Variants in LRP1B observed in about 807,000 individuals in gnomAD.
LRP1B encodes the protein low-density lipoprotein receptor-related protein 1B.
In LRP1B, 217 loss-of-function variants were observed where a neutral mutation model predicts 556.6. That is an observed-to-expected ratio of 0.39 (90% CI 0.35 to 0.44). LRP1B has a LOEUF of 0.44. Among genes scored for constraint, LRP1B ranks in the 20% least tolerant of loss-of-function variants. The pLI is 1.00. For synonymous variants in LRP1B, 2,047 were observed against 1,865.8 expected (o/e 1.10, Z -2.50); for missense variants, 5,053 against 5,620.8 (o/e 0.90, Z 3.23).
intron 3 of LRP1B, among the ~76,000 whole-genome samples, chr2:141,259,197 T>A (rs935320895): frequency 6.6e-6 from 1 of 152,178 alleles, no homozygotes; most frequent in African/African-American, 2.4e-5. Context: ...AAAAATTAAT[T>A]CAGAGTAAAA....
intron 6 of LRP1B, among the ~76,000 whole-genome samples, chr2:141,197,517 C>T (rs554197275): frequency 5.9e-4 from 89 of 152,064 alleles, no homozygotes; most frequent in African/African-American, 2.1e-3. Context: ...TTAGAGTAGA[C>T]TTTCAAAAAA....
chr2:140,665,586 T>C (rs1175137568), intron 41 of LRP1B, among the ~76,000 whole-genome samples: 2 of 152,190 alleles, frequency 1.3e-5, no homozygotes, highest in Non-Finnish European at 2.9e-5. Context: ...TTCAGCACAT[T>C]AGAAATGTGT....
At chr2:140,330,767 T>C (rs1199574984) in intron 79 of LRP1B, among the ~76,000 whole-genome samples, 1 of 151,966 alleles carries the variant, frequency 6.6e-6, no homozygotes, top group African/African-American at 2.4e-5. Context: ...AAATAAACTA[T>C]CAGAGTGAAC....
chr2:140,367,337 T>C (rs1682806556), intron 71 of LRP1B, among the ~76,000 whole-genome samples: 1 of 151,766 alleles, frequency 6.6e-6, no homozygotes, highest in Non-Finnish European at 1.5e-5. Flanking sequence ...ATCTGAATAA[T>C]AGTACAATTG....
chr2:141,275,477 G>A (rs1395551042), intron 3 of LRP1B, among the ~76,000 whole-genome samples: 1 of 152,172 alleles, frequency 6.6e-6, no homozygotes, highest in Non-Finnish European at 1.5e-5. Flanking sequence ...GGGCGGCCAA[G>A]GCGAGTGAAT....
intron 66 of LRP1B, among the ~76,000 whole-genome samples, chr2:140,395,532 G>A (rs1027063945): frequency 2.6e-5 from 4 of 152,182 alleles, no homozygotes; most frequent in Admixed American, 1.3e-4. Flanking sequence ...TTATGTGGAC[G>A]CACCAGCAGT....
At chr2:142,127,712 T>C (rs1194565085) in intron 1 of LRP1B, among the ~76,000 whole-genome samples, 2 of 151,972 alleles carry the variant, frequency 1.3e-5, no homozygotes, top group Non-Finnish European at 2.9e-5. Flanking sequence ...ATACATTTAA[T>C]TGCCATTGTT....
intron 3 of LRP1B, among the ~76,000 whole-genome samples, chr2:141,261,174 A>G (rs1318915901): frequency 1.3e-5 from 2 of 152,146 alleles, no homozygotes; most frequent in East Asian, 3.9e-4. Context: ...AGTAAAATGC[A>G]GTGTGAGCTG....
intron 2 of LRP1B, among the ~76,000 whole-genome samples, chr2:141,688,575 T>C (rs945976217): frequency 1.3e-5 from 2 of 151,810 alleles, no homozygotes; most frequent in African/African-American, 4.8e-5. Flanking sequence ...TGAAAGCAAA[T>C]ACCTCATTTT....
intron 11 of LRP1B, among the ~76,000 whole-genome samples, chr2:141,035,495 CTT>C (rs946117746): frequency 6.6e-6 from 1 of 151,910 alleles, no homozygotes; most frequent in African/African-American, 2.4e-5. Flanking sequence ...AATATAAACT[CTT>C]TGAGAACAAC....
In LRP1B at chr2:141,089,939, T is replaced by C. The variant is rs74705798; in HGVS notation, c.1014-27666A>G. 9.1e-3 allele frequency among the ~76,000 whole-genome samples: 1,393 copies of C among 152,290 alleles called. 22 individuals are homozygous for C. Among genetic ancestry groups the C allele is most frequent in the African/African-American group, 0.032 (1,323 of 41,556 alleles). On this transcript the variant is annotated intron_variant, in intron 7 of 90. Transcript: ENST00000389484. ...ACCTGTAGTGCCTCCAAGAATATGA[T>C]AGTGAAAAGGGTTATATTCTTCTAA...
chr2:140,327,593 A>C (rs1158841287), intron 79 of LRP1B, among the ~76,000 whole-genome samples: 15 of 152,058 alleles, frequency 9.9e-5, no homozygotes. Context: ...AAAACATAAA[A>C]CATGATTCTC....
chr2:141,038,193 A>G (rs1698593238), intron 11 of LRP1B, among the ~76,000 whole-genome samples: 1 of 152,072 alleles, frequency 6.6e-6, no homozygotes. Flanking sequence ...CAGGGCAGAG[A>G]AACAGAGAAT....
At chr2:140,574,308 A>G (rs1334742811) in intron 43 of LRP1B, among the ~76,000 whole-genome samples, 5 of 152,168 alleles carry the variant, frequency 3.3e-5, no homozygotes, top group Non-Finnish European at 7.4e-5. Context: ...CATTATATAT[A>G]GTATGTATCT....
At chr2:141,647,641 A>G (rs1689625058) in intron 2 of LRP1B, among the ~76,000 whole-genome samples, 3 of 151,524 alleles carry the variant, frequency 2.0e-5, no homozygotes, top group African/African-American at 7.3e-5. Flanking sequence ...TTACTTCTAA[A>G]TAAGCATATT....
intron 83 of LRP1B, among the ~76,000 whole-genome samples, chr2:140,303,413 A>AT (rs1461713563): frequency 6.6e-6 from 1 of 151,394 alleles, no homozygotes; most frequent in East Asian, 2.0e-4. Context: ...ATGCCTGGCT[A>AT]TTTTTTTGTA....
chr2:141,963,125 T>C (rs1701449522), intron 1 of LRP1B, among the ~76,000 whole-genome samples: 1 of 151,854 alleles, frequency 6.6e-6, no homozygotes, highest in Non-Finnish European at 1.5e-5. Flanking sequence ...AACTTATATA[T>C]TTATCAAATG....
intron 1 of LRP1B, among the ~76,000 whole-genome samples, chr2:142,066,455 T>TA (rs2104902516): frequency 6.6e-6 from 1 of 151,636 alleles, no homozygotes; most frequent in South Asian, 2.1e-4. Context: ...ACAATTCCTC[T>TA]AAGTTTCTGC....
chr2:141,013,137 T>C (rs973630136), intron 14 of LRP1B, among the ~76,000 whole-genome samples: 9 of 152,112 alleles, frequency 5.9e-5, no homozygotes, highest in Middle Eastern at 7.0e-3. Flanking sequence ...CTTACTAAGA[T>C]ACTTTTAAAA....
Sources: gnomAD v4.1 joint callset for allele counts (sites outside exome capture counted in the v4.1 genomes callset) on GRCh38, gnomAD v4.1.1 for gene constraint, MANE v1.5 for transcripts, NCBI Gene and HGNC (gene_info 2026-07-23, HGNC 2026-07-21) for gene names.